PSD2: variants seen among roughly 807,000 people sequenced by gnomAD.
The protein encoded by PSD2 is pleckstrin and Sec7 domain containing 2.
PSD2 carries 38 observed loss-of-function variants against 69.8 expected under a neutral mutation model. The observed-to-expected ratio is 0.54, with a 90% CI of 0.42 to 0.71. The LOEUF (loss-of-function observed/expected upper bound fraction) is 0.71. Ranked by LOEUF, PSD2 falls within the 30% of genes least tolerant of loss-of-function variation. The probability of loss-of-function intolerance (pLI) is 0.00; values close to 1 mark genes in which losing one functional copy is unlikely to be tolerated. For synonymous variants in PSD2, 412 were observed against 423.0 expected, an observed-to-expected ratio of 0.97 and a Z score of 0.32; for missense variants, 943 against 1,014.5, an observed-to-expected ratio of 0.93 and a Z score of 0.96.
At chr5:139,786,921 C>T in the PSD2 span, among the ~76,000 whole-genome samples, 1 of 152,184 alleles carries the variant, frequency 6.6e-6, no homozygotes. Flanking sequence ...GCCTGACCTA[C>T]TCCTAAACTT....
chr5:139,766,939 TTCTTTCTTTC>T, the PSD2 span, among the ~76,000 whole-genome samples: 1 of 97,006 alleles, frequency 1.0e-5, no homozygotes, highest in African/African-American at 4.4e-5. Flanking sequence ...CCTTCTTTCT[TTCTTTCTTTC>T]TTTCTTTCTT....
the PSD2 span, among the ~76,000 whole-genome samples, chr5:139,742,815 G>A: frequency 6.6e-6 from 1 of 152,210 alleles, no homozygotes; most frequent in African/African-American, 2.4e-5. Context: ...CCGGGCTCAG[G>A]GAGGAGCTCC....
chr5:139,828,453 G>T (rs1760485782), intron 7 of PSD2, among the ~76,000 whole-genome samples: 1 of 152,188 alleles, frequency 6.6e-6, no homozygotes, highest in East Asian at 1.9e-4. Flanking sequence ...GGGCTGGAGG[G>T]ACAGGCCAGG....
the PSD2 span, chr5:139,775,131 C>T: frequency 6.6e-6 from 1 of 152,456 alleles, no homozygotes; most frequent in African/African-American, 2.4e-5. Context: ...AGGCTAGACT[C>T]CAAGAAGAAC....
rs115268774 is a variant in PSD2 at position 139,813,549 on chromosome 5, G to A, written c.612G>A (p.Ala204=). 30 of 1,611,144 alleles carry A rather than the reference G, an allele frequency of 1.9e-5. No individual in the cohort carries two copies. The highest frequency in any genetic ancestry group is 1.7e-4 in the Middle Eastern group (1 of 6,052). The part of the protein sequence containing the change: ...PGAGLGIGDM[A]FEGDMGAAGG... ...CTGGGTTGGGCATTGGGGACATGGC[G>A]TTTGAGGGGGACATGGGGGCAGCTG... The change falls in exon 3 of 15, where the codon GCG becomes GCA. Residue 204 remains alanine (A), a synonymous_variant. Transcript: ENST00000274710.
intron 7 of PSD2, among the ~76,000 whole-genome samples, chr5:139,828,994 G>A (rs1483542210): frequency 6.6e-6 from 1 of 151,118 alleles, no homozygotes; most frequent in African/African-American, 2.4e-5. Context: ...AGGAAAGACT[G>A]GGAGGCCCTG....
chr5:139,766,928 CCCTTCTTTCT>C, the PSD2 span, among the ~76,000 whole-genome samples: 2 of 31,182 alleles, frequency 6.4e-5, no homozygotes, highest in African/African-American at 2.4e-4. Context: ...TTCCTTCCTT[CCCTTCTTTCT>C]TTCTTTCTTT....
At chr5:139,759,117 C>T in the PSD2 span, among the ~76,000 whole-genome samples, 2 of 152,134 alleles carry the variant, frequency 1.3e-5, no homozygotes, top group South Asian at 4.1e-4. Flanking sequence ...TCTGGTTCTA[C>T]ATTTCCTATC....
upstream of PSD2, among the ~76,000 whole-genome samples, chr5:139,791,632 CA>C (rs1240852080): frequency 5.2e-4 from 76 of 146,738 alleles, no homozygotes; most frequent in African/African-American, 1.8e-3. Flanking sequence ...AAACAAAAAA[CA>C]AAAAAAAAAG....
the PSD2 span, among the ~76,000 whole-genome samples, chr5:139,777,992 A>T: frequency 1.3e-5 from 2 of 152,236 alleles, no homozygotes; most frequent in Non-Finnish European, 2.9e-5. Flanking sequence ...TTCCTCCTAG[A>T]GCCTGGGAAC....
Position 139,813,599 on chromosome 5 carries a change from C to G in PSD2, c.662C>G (p.Pro221Arg). 6.2e-7 allele frequency: 1 copy of G among 1,613,962 alleles called. No individual in the cohort carries two copies. Among genetic ancestry groups the G allele is most frequent in the African/African-American group, 1.3e-5 (1 of 75,054 alleles). Residue 221 changes from proline to arginine, a missense_variant, in exon 3 of 15, where the codon CCC becomes CGC. Physicochemically the swap from Pro to Arg is moderately radical, Grantham distance 103. This residue lies in a region of PSD2 where 466 missense variants were observed against 445.0 expected (regional missense o/e 1.05). Transcript: ENST00000274710. ...AAGGDGELGS[P>R]LRRSISSSRS... ...GGTGGTGATGGGGAGCTGGGCAGCCCCCTGCGGCGCTCCATCTCCAGCAGC... is the reference window on the plus strand; with the variant it reads ...GGTGGTGATGGGGAGCTGGGCAGCCGCCTGCGGCGCTCCATCTCCAGCAGC...
intron 7 of PSD2, among the ~76,000 whole-genome samples, chr5:139,827,363 C>T (rs1481378888): frequency 6.6e-6 from 1 of 152,200 alleles, no homozygotes; most frequent in Admixed American, 6.5e-5. Flanking sequence ...CCAATTAGCA[C>T]AGCTGTGTGT....
upstream of PSD2, among the ~76,000 whole-genome samples, chr5:139,790,924 G>A (rs769941546): frequency 1.3e-5 from 2 of 151,766 alleles, no homozygotes; most frequent in Non-Finnish European, 2.9e-5. Context: ...GGGGGGGAGC[G>A]CCTATAATCC....
At chr5:139,802,419 G>A (rs1759697551) in intron 1 of PSD2, among the ~76,000 whole-genome samples, 1 of 151,900 alleles carries the variant, frequency 6.6e-6, no homozygotes, top group Admixed American at 6.5e-5. Context: ...CCGAGGCTGG[G>A]CTGGTTGGGA....
chr5:139,815,378 A>G (rs1225761349), intron 4 of PSD2, among the ~76,000 whole-genome samples: 1 of 151,828 alleles, frequency 6.6e-6, no homozygotes, highest in Admixed American at 6.6e-5. Flanking sequence ...CATCTTTTCA[A>G]CCACTCCCTC....
In PSD2 at chr5:139,838,761, C is replaced by T. The variant is rs758953794; in HGVS notation, c.1957C>T (p.Arg653Cys). ...GCCCCTGCTGCCCTCCTGCACCACC[C>T]GCCTCTGCCAGGTACATGTTCCTGG... is the stretch of plus-strand genomic sequence containing the variant. ...CRPLLPSCTT[R>C]LCQEEQLRSH... Residue 653 changes from arginine to cysteine, a missense_variant, in exon 13 of 15, where the codon CGC (arginine) becomes TGC (cysteine). By Grantham distance (180) the Arg-to-Cys change is radical. Coordinates refer to ENST00000274710, the MANE Select transcript of PSD2 (RefSeq NM_032289.4). 21 of 1,612,412 alleles carry T rather than the reference C, an allele frequency of 1.3e-5. No individual in the cohort carries two copies. Among genetic ancestry groups the T allele is most frequent in the African/African-American group, 4.0e-5 (3 of 74,872 alleles).
intron 1 of PSD2, among the ~76,000 whole-genome samples, chr5:139,804,108 G>T (rs1759739849): frequency 6.6e-6 from 1 of 152,206 alleles, no homozygotes. Context: ...TGTTTGCATT[G>T]ATCATCTCTT....
At chr5:139,808,002 C>T (rs1759855188) in intron 1 of PSD2, among the ~76,000 whole-genome samples, 1 of 152,206 alleles carries the variant, frequency 6.6e-6, no homozygotes, top group African/African-American at 2.4e-5. Flanking sequence ...GTTTGAGCCT[C>T]ACTTATATCC....
At chr5:139,823,716 G>C (rs1760334364) in intron 7 of PSD2, among the ~76,000 whole-genome samples, 1 of 152,200 alleles carries the variant, frequency 6.6e-6, no homozygotes, top group African/African-American at 2.4e-5. Context: ...TGGCACCAAG[G>C]GGCAGGGTCT....
Sources: allele counts gnomAD v4.1 joint callset (sites outside exome capture counted in the v4.1 genomes callset), GRCh38; gene constraint gnomAD v4.1.1; regional missense constraint gnomAD v4.1.1; transcripts MANE v1.5; gene names NCBI Gene and HGNC (gene_info 2026-07-23, HGNC 2026-07-21).